FHIT: variants seen among roughly 807,000 people sequenced by gnomAD.
FHIT encodes bis(5'-adenosyl)-triphosphatase.
A neutral mutation model predicts 17.9 loss-of-function variants in FHIT; 19 were observed. The observed-to-expected ratio is 1.06, with a 90% confidence interval of 0.74 to 1.56. The LOEUF (loss-of-function observed/expected upper bound fraction) is 1.56, where lower values mean the gene tolerates loss of function less well. Ranked by LOEUF, FHIT falls within the 40% of genes most tolerant of loss-of-function variation. The probability of loss-of-function intolerance (pLI) is 0.00; values close to 1 mark genes in which losing one functional copy is unlikely to be tolerated. For missense variants in FHIT, 248 were observed against 189.2 expected (o/e 1.31, Z -1.82); for synonymous variants, 81 against 69.7 (o/e 1.16, Z -0.81).
intron 4 of FHIT, among the ~76,000 whole-genome samples, chr3:60,594,895 A>T (rs1159515586): frequency 6.6e-6 from 1 of 151,994 alleles, no homozygotes; most frequent in Non-Finnish European, 1.5e-5. Flanking sequence ...GTTTCTGTAG[A>T]TGAACTGTTT....
intron 4 of FHIT, among the ~76,000 whole-genome samples, chr3:60,570,651 CAG>C (rs910718899): frequency 2.0e-4 from 30 of 150,748 alleles, no homozygotes; most frequent in African/African-American, 6.8e-4. Flanking sequence ...AATTATCACC[CAG>C]AGTCATATAC....
At chr3:60,719,514 C>T (rs2041762569) in intron 4 of FHIT, among the ~76,000 whole-genome samples, 1 of 152,142 alleles carries the variant, frequency 6.6e-6, no homozygotes, top group Non-Finnish European at 1.5e-5. Context: ...ACAAGGTTCA[C>T]ATGCAGGCTC....
chr3:59,876,671 T>A (rs1703177525), intron 8 of FHIT, among the ~76,000 whole-genome samples: 1 of 152,234 alleles, frequency 6.6e-6, no homozygotes, highest in South Asian at 2.1e-4. Context: ...CTCCTGCCAC[T>A]AAGGGGTAAG....
chr3:60,179,940 T>G lies in FHIT; in HGVS notation c.104-165788A>C, dbSNP rs528794996. ...AAATAGATTCAAGATGGAATCTGAA[T>G]GACAATTCTAAATTCTCTGAGGAAT... is the stretch of plus-strand genomic sequence containing the variant. On this transcript the variant is annotated intron_variant, in intron 5 of 9. Transcript: ENST00000492590. Among the ~76,000 whole-genome samples, 3 of 152,342 alleles carry G rather than the reference T, an allele frequency of 2.0e-5. No homozygotes were observed. In the East Asian group the frequency reaches 5.8e-4, roughly 29 times the overall value.
At chr3:59,782,823 A>G (rs1012337753) in intron 8 of FHIT, among the ~76,000 whole-genome samples, 4 of 152,178 alleles carry the variant, frequency 2.6e-5, no homozygotes, top group African/African-American at 4.8e-5. Flanking sequence ...TCCCCCAGGA[A>G]AAAGTAATCA....
intron 5 of FHIT, among the ~76,000 whole-genome samples, chr3:60,088,272 C>G (rs1346385811): frequency 1.3e-5 from 2 of 152,144 alleles, no homozygotes; most frequent in Admixed American, 6.5e-5. Context: ...ACCTCCAATA[C>G]TGGGGATCAA....
intron 5 of FHIT, among the ~76,000 whole-genome samples, chr3:60,437,153 G>A (rs186263990): frequency 2.2e-4 from 34 of 152,192 alleles, no homozygotes; most frequent in Middle Eastern, 3.4e-3. Flanking sequence ...TGAGAAAATC[G>A]TATGCCTTAA....
chr3:60,323,946 G>C (rs1287312353), intron 5 of FHIT, among the ~76,000 whole-genome samples: 1 of 151,664 alleles, frequency 6.6e-6, no homozygotes, highest in Non-Finnish European at 1.5e-5. Flanking sequence ...GAAATGAAAG[G>C]GAATAACTTC....
At chr3:60,835,905 A>G (rs989378007) in intron 3 of FHIT, among the ~76,000 whole-genome samples, 2 of 152,138 alleles carry the variant, frequency 1.3e-5, no homozygotes, top group African/African-American at 4.8e-5. Context: ...ATCAGTCACT[A>G]CACCCAGCCA....
intron 4 of FHIT, among the ~76,000 whole-genome samples, chr3:60,714,109 G>T (rs1194358483): frequency 6.6e-6 from 1 of 152,124 alleles, no homozygotes; most frequent in African/African-American, 2.4e-5. Flanking sequence ...TTCATCCCTG[G>T]GATGCAAGGC....
chr3:61,117,111 T>C (rs2036320498), intron 2 of FHIT, among the ~76,000 whole-genome samples: 1 of 152,174 alleles, frequency 6.6e-6, no homozygotes, highest in Admixed American at 6.5e-5. Context: ...CTTCCAATAA[T>C]TTTATTTAGT....
chr3:61,165,145 C>T (rs2037800391), intron 2 of FHIT, among the ~76,000 whole-genome samples: 1 of 152,142 alleles, frequency 6.6e-6, no homozygotes, highest in Non-Finnish European at 1.5e-5. Context: ...TTTTCTTTTG[C>T]ATATATCCTC....
At chr3:60,085,979 T>C (rs532794620) in intron 5 of FHIT, among the ~76,000 whole-genome samples, 15 of 152,312 alleles carry the variant, frequency 9.8e-5, no homozygotes, top group African/African-American at 3.6e-4. Flanking sequence ...TGGTATAATT[T>C]ATAAAGAAAA....
intron 3 of FHIT, among the ~76,000 whole-genome samples, chr3:60,946,876 G>A (rs1474265210): frequency 1.3e-5 from 2 of 152,148 alleles, no homozygotes; most frequent in African/African-American, 2.4e-5. Flanking sequence ...TGATATCTAC[G>A]CCATCCTATA....
intron 7 of FHIT, among the ~76,000 whole-genome samples, chr3:59,951,130 T>C (rs1317570974): frequency 6.6e-6 from 1 of 152,178 alleles, no homozygotes; most frequent in Admixed American, 6.5e-5. Context: ...CAGCAAGGCT[T>C]AGGAAGGTTA....
chr3:60,493,768 A>G (rs2034169076), intron 5 of FHIT, among the ~76,000 whole-genome samples: 1 of 152,202 alleles, frequency 6.6e-6, no homozygotes, highest in Admixed American at 6.5e-5. Context: ...CTGTGTCTAA[A>G]ATTCTAAATA....
At chr3:60,317,828 T>C (rs879450720) in intron 5 of FHIT, among the ~76,000 whole-genome samples, 65 of 151,408 alleles carry the variant, frequency 4.3e-4, no homozygotes, top group Non-Finnish European at 7.7e-4. Context: ...TCTCACTCTG[T>C]TGCTGAGGCT....
At chr3:60,412,474 C>T (rs778563055) in intron 5 of FHIT, among the ~76,000 whole-genome samples, 3 of 152,196 alleles carry the variant, frequency 2.0e-5, no homozygotes, top group Non-Finnish European at 4.4e-5. Context: ...GCCTCTCTTA[C>T]GCATTTCCCT....
chr3:59,828,593 T>C (rs904961365), intron 8 of FHIT, among the ~76,000 whole-genome samples: 10 of 152,210 alleles, frequency 6.6e-5, no homozygotes, highest in African/African-American at 2.2e-4. Context: ...ACGGTTCACA[T>C]ACACTTCACA....
Sources: gnomAD v4.1 joint callset for allele counts (sites outside exome capture counted in the v4.1 genomes callset) on GRCh38, gnomAD v4.1.1 for gene constraint, MANE v1.5 for transcripts, NCBI Gene and HGNC (gene_info 2026-07-23, HGNC 2026-07-21) for gene names.